EYS: variants seen among roughly 807,000 people sequenced by gnomAD.
EYS encodes EGF-like photoreceptor maintenance factor, also known as protein eyes shut homolog.
In EYS, 250 loss-of-function variants were observed where a neutral mutation model predicts 282.1. That is an observed-to-expected ratio of 0.89 (90% CI 0.80 to 0.98). The LOEUF is 0.98. Among genes scored for constraint, EYS ranks in the 50% least tolerant of loss-of-function variants. The pLI is 0.00. For synonymous variants in EYS, 1,355 were observed against 1,282.9 expected, an observed-to-expected ratio of 1.06 and a Z score of -1.20; for missense variants, 4,016 against 3,709.0, an observed-to-expected ratio of 1.08 and a Z score of -2.15.
chr6:65,188,876 G>A (rs951904302), intron 12 of EYS, among the ~76,000 whole-genome samples: 5 of 151,396 alleles, frequency 3.3e-5, no homozygotes, highest in Admixed American at 1.3e-4. Context: ...GGGCTTCAGA[G>A]GGAATGCAGC....
intron 27 of EYS, among the ~76,000 whole-genome samples, chr6:64,438,601 A>G (rs571098402): frequency 1.3e-5 from 2 of 151,800 alleles, no homozygotes; most frequent in African/African-American, 4.8e-5. Flanking sequence ...TTGAGAAATT[A>G]AGAAATTGGG....
chr6:65,609,172 C>G (rs1029332454), intron 2 of EYS, among the ~76,000 whole-genome samples: 4 of 151,934 alleles, frequency 2.6e-5, no homozygotes, highest in Non-Finnish European at 4.4e-5. Context: ...TCACCACAAG[C>G]ATGTGACTAA....
chr6:63,951,968 G>T (rs1388317866), intron 35 of EYS, among the ~76,000 whole-genome samples: 2 of 152,040 alleles, frequency 1.3e-5, no homozygotes, highest in South Asian at 2.1e-4. Flanking sequence ...ATTAAATAAA[G>T]CTCCAAAAAT....
intron 24 of EYS, among the ~76,000 whole-genome samples, chr6:64,614,399 C>CA (rs1008540914): frequency 6.6e-6 from 1 of 151,550 alleles, no homozygotes; most frequent in Non-Finnish European, 1.5e-5. Flanking sequence ...CACTAAAAGC[C>CA]AAAAAAATAG....
At chr6:65,441,720 TA>T (rs1768335789) in intron 5 of EYS, among the ~76,000 whole-genome samples, 1 of 152,062 alleles carries the variant, frequency 6.6e-6, no homozygotes, top group African/African-American at 2.4e-5. Context: ...AAAGTCAACC[TA>T]AAAACACAGA....
At chr6:64,283,522 CTGAA>C (rs1324325455) in intron 30 of EYS, among the ~76,000 whole-genome samples, 10 of 152,102 alleles carry the variant, frequency 6.6e-5, no homozygotes, top group Non-Finnish European at 1.3e-4. Flanking sequence ...AGATGACTGA[CTGAA>C]TAAATAAATG....
At chr6:65,573,164 T>C (rs868416888) in intron 2 of EYS, among the ~76,000 whole-genome samples, 1 of 152,072 alleles carries the variant, frequency 6.6e-6, no homozygotes, top group African/African-American at 2.4e-5. Flanking sequence ...AGAAAAACTA[T>C]AGACAGCTAT....
chr6:64,608,321 G>C (rs573839744), intron 24 of EYS, among the ~76,000 whole-genome samples: 4 of 152,140 alleles, frequency 2.6e-5, no homozygotes, highest in Admixed American at 2.0e-4. Context: ...AAGCAGACCA[G>C]AGAGGGAGAA....
chr6:65,348,673 T>C (rs2150323571), intron 9 of EYS, among the ~76,000 whole-genome samples: 1 of 151,688 alleles, frequency 6.6e-6, no homozygotes, highest in Admixed American at 6.6e-5. Context: ...TCTGTGAGTT[T>C]TGTCTTTGTT....
At chr6:64,308,629 A>G (rs1769548726) in intron 29 of EYS, among the ~76,000 whole-genome samples, 1 of 152,056 alleles carries the variant, frequency 6.6e-6, no homozygotes, top group African/African-American at 2.4e-5. Flanking sequence ...AAGACTTTGT[A>G]TCTTATTGAA....
intron 31 of EYS, among the ~76,000 whole-genome samples, chr6:64,094,965 G>C (rs150428880): frequency 6.6e-5 from 10 of 152,126 alleles, no homozygotes; most frequent in African/African-American, 2.4e-4. Flanking sequence ...CTTTGTTCTC[G>C]TTGGTTTCAA....
intron 26 of EYS, among the ~76,000 whole-genome samples, chr6:64,565,529 A>T (rs1158822449): frequency 6.6e-5 from 10 of 152,146 alleles, no homozygotes; most frequent in Admixed American, 6.5e-4. Context: ...AAACCATATG[A>T]TTTCACTTAC....
chr6:65,329,238 T>C, intron 11 of EYS: 1 of 464,566 alleles, frequency 2.2e-6, no homozygotes, highest in Non-Finnish European at 2.8e-6. Context: ...TGTGTATAGA[T>C]GAGTTAAATT....
At chr6:63,982,423 T>G (rs1052670995) in intron 35 of EYS, among the ~76,000 whole-genome samples, 2 of 151,656 alleles carry the variant, frequency 1.3e-5, no homozygotes, top group African/African-American at 2.4e-5. Flanking sequence ...GCTCATGTGG[T>G]TGTTGGTAAA....
intron 1 of EYS, among the ~76,000 whole-genome samples, chr6:65,667,241 T>C (rs1232166096): frequency 2.6e-5 from 4 of 151,926 alleles, no homozygotes; most frequent in Non-Finnish European, 5.9e-5. Context: ...TATGTGACTG[T>C]TCTGCTAAAA....
At chr6:65,494,635 T>A in intron 4 of EYS, 28 bp downstream of exon 4, 1 of 1,514,924 alleles carries the variant, frequency 6.6e-7, no homozygotes, top group Non-Finnish European at 8.9e-7. Context: ...TCTATTTTAA[T>A]AAAATTATAT....
intron 13 of EYS, among the ~76,000 whole-genome samples, chr6:65,052,007 T>C (rs1234192232): frequency 6.6e-6 from 1 of 151,600 alleles, no homozygotes; most frequent in Non-Finnish European, 1.5e-5. Flanking sequence ...CTCAATTTTG[T>C]CAGGAACAAC....
chr6:64,179,262 C>T (rs965118960), intron 31 of EYS, among the ~76,000 whole-genome samples: 3 of 152,038 alleles, frequency 2.0e-5, no homozygotes, highest in Non-Finnish European at 2.9e-5. Context: ...TTGCAGGCTT[C>T]TTCAATAAGA....
At chr6:65,213,342 A>T (rs2150253586) in intron 12 of EYS, among the ~76,000 whole-genome samples, 1 of 152,228 alleles carries the variant, frequency 6.6e-6, no homozygotes. Flanking sequence ...TTTTGAGAAA[A>T]ACGTTCCTTT....
Sources: gnomAD v4.1 joint callset for allele counts (sites outside exome capture counted in the v4.1 genomes callset) on GRCh38, gnomAD v4.1.1 for gene constraint, MANE v1.5 for transcripts, NCBI Gene and HGNC (gene_info 2026-07-23, HGNC 2026-07-21) for gene names.